SH3GL3: variants seen among roughly 807,000 people sequenced by gnomAD.
SH3GL3 encodes endophilin-A3.
SH3GL3 carries 33 observed loss-of-function variants against 47.7 expected under a neutral mutation model. The observed-to-expected ratio is 0.69, with a 90% CI of 0.52 to 0.92. The LOEUF (loss-of-function observed/expected upper bound fraction) is 0.92. Among genes scored for constraint, SH3GL3 ranks in the 40% least tolerant of loss-of-function variants. The pLI, the probability that SH3GL3 is intolerant of heterozygous loss-of-function variation, is 0.00. For missense variants in SH3GL3, 363 were observed against 417.8 expected (o/e 0.87, Z 1.14); for synonymous variants, 155 against 148.8 (o/e 1.04, Z -0.30).
At chr15:83,567,967 T>C (rs938809602) in intron 3 of SH3GL3, among the ~76,000 whole-genome samples, 1 of 151,088 alleles carries the variant, frequency 6.6e-6, no homozygotes, top group Non-Finnish European at 1.5e-5. Flanking sequence ...CTTTTTTTTT[T>C]TCTTTCTTTC....
Position 83,495,598 on chromosome 15 carries a change from G to A in SH3GL3, c.45+48020G>A, listed in dbSNP as rs531528860. 1.2e-4 allele frequency among the ~76,000 whole-genome samples: 19 copies of A among 152,256 alleles called. 1 individual carries two copies. The South Asian group carries it at 2.9e-3, about 23-fold the overall frequency. ...AAAAATACAAAGAAGTTAGCTGGGC[G>A]TGGTGATGCACACCTGAAGTCCTAG... On this transcript the variant is annotated intron_variant, in intron 1 of 8. Coordinates refer to ENST00000427482, the MANE Select transcript of SH3GL3 (RefSeq NM_003027.5).
At chr15:83,601,830 CT>C (rs796770350) in intron 8 of SH3GL3, among the ~76,000 whole-genome samples, 121 of 127,732 alleles carry the variant, frequency 9.5e-4, no homozygotes, top group Middle Eastern at 9.2e-3. Flanking sequence ...TGGTCCTGGA[CT>C]TTTTTTTTTT....
intron 8 of SH3GL3, among the ~76,000 whole-genome samples, chr15:83,615,559 G>A (rs1275401381): frequency 1.3e-5 from 2 of 152,100 alleles, no homozygotes; most frequent in East Asian, 1.9e-4. Flanking sequence ...TGAACTGCCC[G>A]CCTTGGCCTC....
intron 8 of SH3GL3, among the ~76,000 whole-genome samples, chr15:83,607,214 A>G (rs937649424): frequency 1.3e-5 from 2 of 152,238 alleles, no homozygotes; most frequent in African/African-American, 4.8e-5. Context: ...ATAATGATAC[A>G]TTTGATCCAT....
chr15:83,617,746 C>T, intron 8 of SH3GL3, among the ~76,000 whole-genome samples: 1 of 152,126 alleles, frequency 6.6e-6, no homozygotes, highest in East Asian at 1.9e-4. Context: ...CTGTAAGCTC[C>T]CAGAGAGAAG....
intron 1 of SH3GL3, among the ~76,000 whole-genome samples, chr15:83,554,379 G>A (rs2044833878): frequency 1.3e-5 from 2 of 152,074 alleles, no homozygotes. Context: ...TAGAGACGGG[G>A]TTTCTCCATG....
intron 2 of SH3GL3, among the ~76,000 whole-genome samples, chr15:83,563,455 T>C (rs1420033511): frequency 6.6e-6 from 1 of 152,318 alleles, no homozygotes; most frequent in East Asian, 1.9e-4. Context: ...TCCCTTGATC[T>C]CCAAAAACGT....
At chr15:83,594,574 G>A (rs1184645550) in intron 8 of SH3GL3, among the ~76,000 whole-genome samples, 1 of 152,158 alleles carries the variant, frequency 6.6e-6, no homozygotes, top group Non-Finnish European at 1.5e-5. Flanking sequence ...ATCCAGAATA[G>A]CACGTTGCAT....
intron 6 of SH3GL3, among the ~76,000 whole-genome samples, chr15:83,583,638 G>A (rs961520922): frequency 6.6e-6 from 1 of 152,148 alleles, no homozygotes; most frequent in African/African-American, 2.4e-5. Flanking sequence ...CATATATGCT[G>A]CTAATCATCC....
the SH3GL3 span, among the ~76,000 whole-genome samples, chr15:83,625,429 T>C: frequency 1.3e-5 from 2 of 152,190 alleles, no homozygotes; most frequent in African/African-American, 4.8e-5. Flanking sequence ...AGAGGGAAAC[T>C]ATCAGCCACA....
Position 83,618,151 on chromosome 15 carries a change from A to C in SH3GL3, c.908A>C (p.Glu303Ala). 1 of 1,613,456 alleles carries C rather than the reference A, an allele frequency of 6.2e-7. No individual in the cohort carries two copies. Among genetic ancestry groups the C allele is most frequent in the South Asian group, 1.1e-5 (1 of 91,066 alleles). Residue 303 changes from glutamate (E) to alanine (A), a missense_variant, in exon 9 of 9, where the codon GAA becomes GCA. Physicochemically the swap from Glu to Ala is moderately radical, Grantham distance 107. Coordinates refer to ENST00000427482, the MANE Select transcript of SH3GL3 (RefSeq NM_003027.5). ...LYDFEPENQG[E>A]LGFKEGDIIT... is the part of the protein sequence containing the mutation. ...GACTTTGAGCCAGAAAACCAAGGAG[A>C]ATTAGGATTTAAAGAAGGGGACATC...
chr15:83,501,260 CTG>C (rs1470610895), intron 1 of SH3GL3, among the ~76,000 whole-genome samples: 1 of 152,056 alleles, frequency 6.6e-6, no homozygotes, highest in African/African-American at 2.4e-5. Flanking sequence ...TCTGGAAAAA[CTG>C]TATTTTTACA....
At chr15:83,506,767 T>C (rs940397279) in intron 1 of SH3GL3, among the ~76,000 whole-genome samples, 1 of 152,124 alleles carries the variant, frequency 6.6e-6, no homozygotes, top group African/African-American at 2.4e-5. Flanking sequence ...GTTTTTAAAA[T>C]TTTTTGTTTC....
chr15:83,587,630 A>G (rs2059990265), intron 7 of SH3GL3, among the ~76,000 whole-genome samples: 1 of 152,190 alleles, frequency 6.6e-6, no homozygotes, highest in Non-Finnish European at 1.5e-5. Context: ...AATATTGACA[A>G]ATTTCAGGCT....
intron 1 of SH3GL3, among the ~76,000 whole-genome samples, chr15:83,494,955 G>T (rs891622848): frequency 6.6e-6 from 1 of 152,158 alleles, no homozygotes; most frequent in Non-Finnish European, 1.5e-5. Flanking sequence ...CTGTGGTCAG[G>T]CTCTGTGCAC....
intron 1 of SH3GL3, among the ~76,000 whole-genome samples, chr15:83,505,065 T>G (rs1400690104): frequency 6.6e-6 from 1 of 152,218 alleles, no homozygotes; most frequent in Non-Finnish European, 1.5e-5. Flanking sequence ...GCGCTCATTT[T>G]ATTTGCAATC....
rs1198878223 is a variant in SH3GL3 at position 83,447,456 on chromosome 15, C to T, written c.-78C>T. On this transcript the variant is annotated 5_prime_UTR_variant, in exon 1 of 9. Transcript: ENST00000427482. This position sits in a 1 kb window ranked among gnomAD's most constrained non-coding sequence, Gnocchi z 5.1. ...AGCCGCGGGGGGACCGGCCCGGGCT[C>T]CCGCTCCCCGAGCGCGTCGCGGCCG... 3 of 1,300,814 alleles carry T rather than the reference C, an allele frequency of 2.3e-6. No individual in the cohort carries two copies. The highest frequency in any genetic ancestry group is 3.0e-6 in the Non-Finnish European group (3 of 997,816). 80.6% of individuals were successfully genotyped at this position (1,300,814 alleles called of 1,614,324 possible).
intron 1 of SH3GL3, among the ~76,000 whole-genome samples, chr15:83,498,891 T>C (rs1369970430): frequency 6.6e-6 from 1 of 152,196 alleles, no homozygotes; most frequent in Non-Finnish European, 1.5e-5. Flanking sequence ...TACTTGGAAG[T>C]TTGCACACTA....
At chr15:83,522,227 G>A (rs2043236036) in intron 1 of SH3GL3, among the ~76,000 whole-genome samples, 1 of 152,150 alleles carries the variant, frequency 6.6e-6, no homozygotes, top group Admixed American at 6.5e-5. Context: ...AAACCTTGGA[G>A]GACACCAACA....
Sources: allele counts gnomAD v4.1 joint callset (sites outside exome capture counted in the v4.1 genomes callset), GRCh38; gene constraint gnomAD v4.1.1; non-coding constraint Gnocchi (gnomAD v3.1); transcripts MANE v1.5; gene names NCBI Gene and HGNC (gene_info 2026-07-23, HGNC 2026-07-21).